The following ARL8B variants were observed in gnomAD, a reference collection of about 807,000 sequenced individuals.
ARL8B encodes ADP-ribosylation factor-like protein 8B.
In ARL8B, 9 loss-of-function variants were observed where a neutral mutation model predicts 30.6. The ratio of observed to expected loss-of-function variants is 0.29; its 90% CI spans 0.18 to 0.51. The LOEUF is 0.51. ARL8B is among the 20% of genes least tolerant of loss of function. The pLI is 0.97. For synonymous variants in ARL8B, 74 were observed against 76.0 expected, an observed-to-expected ratio of 0.97 and a Z score of 0.14; for missense variants, 130 against 227.2, an observed-to-expected ratio of 0.57 and a Z score of 2.75.
chr3:5,124,716 A>G (rs920105435), intron 1 of ARL8B, among the ~76,000 whole-genome samples: 1 of 152,140 alleles, frequency 6.6e-6, no homozygotes, highest in Non-Finnish European at 1.5e-5. Context: ...GGCCTCAAGC[A>G]GTCTTCCTGC....
intron 1 of ARL8B, among the ~76,000 whole-genome samples, chr3:5,134,553 T>C (rs1214214290): frequency 6.6e-6 from 1 of 152,206 alleles, no homozygotes; most frequent in Non-Finnish European, 1.5e-5. Flanking sequence ...AAAGGATATT[T>C]GATTTCTTGA....
chr3:5,172,283 T>A (rs2054683534), intron 3 of ARL8B, 60 bp downstream of exon 3: 1 of 1,440,650 alleles, frequency 6.9e-7, no homozygotes. Context: ...AAGAAGAAAG[T>A]TTATTTTAGT....
chr3:5,128,674 AT>A (rs748344907), intron 1 of ARL8B: 23 of 218,094 alleles, frequency 1.1e-4, no homozygotes, highest in South Asian at 4.7e-4. Context: ...TTTTTCTGAA[AT>A]TTTTTTTGTG....
At chr3:5,131,513 C>T (rs2054283847) in intron 1 of ARL8B, among the ~76,000 whole-genome samples, 1 of 151,998 alleles carries the variant, frequency 6.6e-6, no homozygotes, top group South Asian at 2.1e-4. Flanking sequence ...GCCTCAGCCT[C>T]CTGAGTAGCT....
Position 5,174,353 on chromosome 3 carries a change from T to C in ARL8B, c.450T>C (p.Ser150=). 6.2e-7 allele frequency: 1 copy of C among 1,602,934 alleles called. No individual in the cohort carries two copies. The highest frequency in any genetic ancestry group is 8.5e-7 in the Non-Finnish European group (1 of 1,170,186). Reference sequence around the variant, plus strand: ...TTAATTCTTCTCATAGGAATCTGTCTGCTATTCAGGATAGAGAAATTTGCT... The same window carrying C: ...TTAATTCTTCTCATAGGAATCTGTCCGCTATTCAGGATAGAGAAATTTGCT... ...EKQLIEKMNL[S]AIQDREICCY... is the part of the protein sequence containing the mutation. The change falls in exon 6 of 7, where the codon TCT becomes TCC. Residue 150 remains serine, a synonymous_variant. Transcript: ENST00000256496.
intron 2 of ARL8B, 56 bp downstream of exon 2, chr3:5,170,639 T>G (rs2054664455): frequency 7.4e-7 from 1 of 1,346,048 alleles, no homozygotes; most frequent in Non-Finnish European, 1.0e-6. Context: ...CCCTAGAAAT[T>G]TTTCTGTTAA....
chr3:5,146,996 CATGAGGGGG>C (rs1332834179), intron 1 of ARL8B, among the ~76,000 whole-genome samples: 2 of 150,622 alleles, frequency 1.3e-5, no homozygotes, highest in African/African-American at 4.9e-5. Flanking sequence ...CATTAATGGT[CATGAGGGGG>C]ATTACCTTTT....
At chr3:5,134,991 G>A (rs1164329501) in intron 1 of ARL8B, among the ~76,000 whole-genome samples, 2 of 152,028 alleles carry the variant, frequency 1.3e-5, no homozygotes, top group African/African-American at 2.4e-5. Flanking sequence ...TGGGACTGCC[G>A]GCACACACCA....
chr3:5,170,655 T>C lies in ARL8B; in HGVS notation c.204+72T>C, dbSNP rs1029113396. 11 of 1,205,138 alleles carry C rather than the reference T, an allele frequency of 9.1e-6. No homozygotes were observed. The African/African-American group carries it at 1.7e-4, about 19-fold the overall frequency. 74.7% of individuals were successfully genotyped at this position (1,205,138 alleles called of 1,614,324 possible). ...CCTAGAAATTTTTCTGTTAAATTTC[T>C]GTGTTTTTACTGAAAATTTGCAGTT... is the stretch of plus-strand genomic sequence containing the variant. On this transcript the variant is annotated intron_variant, in intron 2 of 6. Transcript: ENST00000256496.
intron 1 of ARL8B, among the ~76,000 whole-genome samples, chr3:5,141,942 C>A (rs1332112115): frequency 6.6e-6 from 1 of 152,090 alleles, no homozygotes; most frequent in African/African-American, 2.4e-5. Context: ...TGACTCAAAC[C>A]CAGCAGCTAT....
intron 1 of ARL8B, among the ~76,000 whole-genome samples, chr3:5,140,476 AT>A (rs1314036807): frequency 6.6e-6 from 1 of 151,872 alleles, no homozygotes; most frequent in Non-Finnish European, 1.5e-5. Context: ...CTGTGAGTCA[AT>A]TAAACCTCTT....
chr3:5,123,705 T>G (rs1320511217), intron 1 of ARL8B, among the ~76,000 whole-genome samples: 1 of 152,172 alleles, frequency 6.6e-6, no homozygotes, highest in Non-Finnish European at 1.5e-5. Flanking sequence ...GCTTTCATGT[T>G]TGAGAAAATA....
intron 1 of ARL8B, among the ~76,000 whole-genome samples, chr3:5,133,244 C>G (rs561464834): frequency 6.6e-6 from 1 of 152,280 alleles, no homozygotes; most frequent in African/African-American, 2.4e-5. Flanking sequence ...CCCACAGGGC[C>G]TTGACTGAGT....
At chr3:5,166,627 C>T (rs942813692) in intron 1 of ARL8B, among the ~76,000 whole-genome samples, 2 of 152,238 alleles carry the variant, frequency 1.3e-5, no homozygotes, top group Admixed American at 6.5e-5. Context: ...TGTGAGCCAC[C>T]GCGCCCAGCT....
intron 1 of ARL8B, among the ~76,000 whole-genome samples, chr3:5,149,744 G>T (rs986576418): frequency 1.3e-5 from 2 of 152,160 alleles, no homozygotes; most frequent in African/African-American, 2.4e-5. Context: ...TGTGCAGTTT[G>T]TTACATCCGC....
intron 1 of ARL8B, among the ~76,000 whole-genome samples, chr3:5,163,481 A>G (rs2054598891): frequency 6.6e-6 from 1 of 152,254 alleles, no homozygotes; most frequent in Non-Finnish European, 1.5e-5. Context: ...AGGATTGTCC[A>G]TAGTGTTCTG....
At chr3:5,170,438 A>G in intron 1 of ARL8B, 65 bp from the exon 2 acceptor site, 1 of 1,070,764 alleles carries the variant, frequency 9.3e-7, no homozygotes, top group South Asian at 1.5e-5. Flanking sequence ...CAATGTTGAT[A>G]TTAGAAGTTT....
At chr3:5,161,243 CCT>C (rs1214951084) in intron 1 of ARL8B, among the ~76,000 whole-genome samples, 3 of 152,148 alleles carry the variant, frequency 2.0e-5, no homozygotes, top group East Asian at 3.9e-4. Flanking sequence ...TGATTCAGCC[CCT>C]GTCCCATAAG....
intron 1 of ARL8B, among the ~76,000 whole-genome samples, chr3:5,163,356 T>C (rs1269279142): frequency 6.6e-6 from 1 of 152,184 alleles, no homozygotes; most frequent in Non-Finnish European, 1.5e-5. Context: ...GCTGAATCTT[T>C]TAACATGTAC....
Sources: allele counts gnomAD v4.1 joint callset (sites outside exome capture counted in the v4.1 genomes callset), GRCh38; gene constraint gnomAD v4.1.1; transcripts MANE v1.5; gene names NCBI Gene and HGNC (gene_info 2026-07-23, HGNC 2026-07-21).